RANBP2: variants seen among roughly 807,000 people sequenced by gnomAD.
The protein encoded by RANBP2 is RAN binding protein 2, also known as E3 SUMO-protein ligase RanBP2.
Under a neutral mutation model 303.6 loss-of-function variants are expected in RANBP2, and 57 were observed. The observed-to-expected ratio is 0.19, with a 90% CI of 0.15 to 0.23. RANBP2 has a LOEUF of 0.23. Ranked by LOEUF, RANBP2 falls within the 10% of genes least tolerant of loss-of-function variation. The pLI, the probability that RANBP2 is intolerant of heterozygous loss-of-function variation, is 1.00. For missense variants in RANBP2, 3,138 were observed against 3,780.8 expected (o/e 0.83, Z 4.46); for synonymous variants, 1,167 against 1,301.5 (o/e 0.90, Z 2.23).
At chr2:109,033,819 G>A in the RANBP2 span, among the ~76,000 whole-genome samples, 1 of 151,802 alleles carries the variant, frequency 6.6e-6, no homozygotes, top group African/African-American at 2.4e-5. Flanking sequence ...AGCCAGGTGT[G>A]GTGGCGGGCA....
In RANBP2 at chr2:108,763,641, C is replaced by T. The variant is rs759789243; in HGVS notation, c.3102C>T (p.Asn1034=). The change falls in exon 20 of 29, where the codon AAC becomes AAT. Residue 1034 remains asparagine, a synonymous_variant. Coordinates refer to ENST00000283195, the MANE Select transcript of RANBP2 (RefSeq NM_006267.5). ...CACAGCCAACTCCTTTTAAATTTAA[C>T]TCAAATTTCAAATCAAATGATGGTG... ...HTTQPTPFKF[N]SNFKSNDGDF... 14 of 1,614,126 alleles carry T rather than the reference C, an allele frequency of 8.7e-6. No homozygotes were observed. The highest frequency in any genetic ancestry group is 1.2e-5 in the Non-Finnish European group (14 of 1,180,022).
chr2:108,781,337 G>C lies in RANBP2; in HGVS notation c.8668G>C (p.Ala2890Pro). 2 of 1,614,220 alleles carry C rather than the reference G, an allele frequency of 1.2e-6. No individual in the cohort carries two copies. Among genetic ancestry groups the C allele is most frequent in the Non-Finnish European group, 1.7e-6 (2 of 1,180,038 alleles). Reference sequence around the variant, plus strand: ...AACACAGTCAGTCGGAACCCAGTCAGCCGGTAAAGTTGGTGAAGATGAAGA... The same window carrying C: ...AACACAGTCAGTCGGAACCCAGTCACCCGGTAAAGTTGGTGAAGATGAAGA... ...FGTQSVGTQSAGKVGEDEDGS... is the reference protein window; with the variant it reads ...FGTQSVGTQSPGKVGEDEDGS... The change falls in exon 26 of 29, where the codon GCC (alanine) becomes CCC (proline). Residue 2890 changes from alanine (A) to proline (P), a missense_variant. By Grantham distance (27) the Ala-to-Pro change is conservative (BLOSUM62 -1). Transcript: ENST00000283195.
At chr2:109,294,962 C>T in the RANBP2 span, among the ~76,000 whole-genome samples, 5,674 of 152,274 alleles carry the variant, frequency 0.037, 266 homozygotes, top group African/African-American at 0.1. Flanking sequence ...TTCTTTCAGC[C>T]GATGTTCATT....
chr2:109,370,221 GTCTCTGTC>G, the RANBP2 span, among the ~76,000 whole-genome samples: 5,300 of 148,802 alleles, frequency 0.036, 308 homozygotes, highest in African/African-American at 0.13. Flanking sequence ...CTCTGTCTCT[GTCTCTGTC>G]TCTCTCTCTC....
At chr2:108,803,298 C>A in the RANBP2 span, among the ~76,000 whole-genome samples, 1 of 152,348 alleles carries the variant, frequency 6.6e-6, no homozygotes. Flanking sequence ...AGAGGATCCT[C>A]TGTTTGAGTC....
the RANBP2 span, among the ~76,000 whole-genome samples, chr2:109,242,300 G>A: frequency 3.9e-5 from 6 of 152,172 alleles, no homozygotes; most frequent in African/African-American, 1.4e-4. Context: ...CACCAATTGG[G>A]TGGAAGCCAG....
At position 108,782,177 on chromosome 2, in the gene RANBP2, G is replaced by C. The variant is rs1342738034; in HGVS notation, c.8810G>C (p.Arg2937Thr). The C allele has an allele frequency of 1.9e-6, 3 of 1,614,064 alleles. No individual in the cohort carries two copies. The highest frequency in any genetic ancestry group is 2.5e-6 in the Non-Finnish European group (3 of 1,180,034). The change falls in exon 27 of 29, where the codon AGA becomes ACA. Residue 2937 changes from arginine (R) to threonine (T), a missense_variant. Coordinates refer to ENST00000283195, the MANE Select transcript of RANBP2 (RefSeq NM_006267.5). ...GATGAAGAAATTTTGTTTAAAGAGA[G>C]AGCCAAACTTTATAGATGGGATCGG... ...EEDEEILFKERAKLYRWDRDV... is the reference protein window; with the variant it reads ...EEDEEILFKETAKLYRWDRDV...
At chr2:109,541,555 C>CGGGATTTATAAACTTTCCT in the RANBP2 span, among the ~76,000 whole-genome samples, 1 of 152,314 alleles carries the variant, frequency 6.6e-6, no homozygotes, top group South Asian at 2.1e-4. Flanking sequence ...GCCTGCCAGA[C>CGGGATTTATAAACTTTCCT]GGGATTTATA....
At chr2:108,749,758 AT>A (rs1171969515) in intron 9 of RANBP2, among the ~76,000 whole-genome samples, 26 of 149,338 alleles carry the variant, frequency 1.7e-4, no homozygotes, top group East Asian at 5.9e-4. Context: ...GGCCCAGATA[AT>A]TTTTTTTTTT....
the RANBP2 span, chr2:109,615,460 T>C: frequency 4.3e-6 from 7 of 1,613,244 alleles, no homozygotes; most frequent in Non-Finnish European, 5.9e-6. Context: ...CTAGTCAACT[T>C]CGCCAACAAA....
At chr2:109,242,952 C>T in the RANBP2 span, among the ~76,000 whole-genome samples, 1 of 152,232 alleles carries the variant, frequency 6.6e-6, no homozygotes, top group Non-Finnish European at 1.5e-5. Context: ...CTCTTGTCCT[C>T]TGTGTGAGGC....
At chr2:109,532,617 A>T in the RANBP2 span, among the ~76,000 whole-genome samples, 1 of 152,136 alleles carries the variant, frequency 6.6e-6, no homozygotes, top group Admixed American at 6.5e-5. Flanking sequence ...CTATAATCTA[A>T]AGCTGCCATG....
chr2:109,268,682 C>T, the RANBP2 span, among the ~76,000 whole-genome samples: 1 of 152,028 alleles, frequency 6.6e-6, no homozygotes, highest in Non-Finnish European at 1.5e-5. Context: ...CACAATCACT[C>T]TATTTTTCAC....
chr2:109,598,157 G>C, the RANBP2 span, among the ~76,000 whole-genome samples: 1 of 151,984 alleles, frequency 6.6e-6, no homozygotes, highest in African/African-American at 2.4e-5. Flanking sequence ...CTGCCTTCTG[G>C]GTTCAAGCGA....
At chr2:109,557,202 AT>A in the RANBP2 span, among the ~76,000 whole-genome samples, 2 of 152,160 alleles carry the variant, frequency 1.3e-5, no homozygotes, top group African/African-American at 4.8e-5. Context: ...TATAAAAAAA[AT>A]CTTGAATGCA....
At chr2:109,267,790 G>A in the RANBP2 span, among the ~76,000 whole-genome samples, 16 of 152,156 alleles carry the variant, frequency 1.1e-4, no homozygotes, top group Non-Finnish European at 8.8e-5. Context: ...GAGCGAGGCC[G>A]AGTCAAGCCC....
chr2:109,142,960 G>A, the RANBP2 span, among the ~76,000 whole-genome samples: 1 of 152,246 alleles, frequency 6.6e-6, no homozygotes, highest in Admixed American at 6.5e-5. Flanking sequence ...GTAGTGGAGT[G>A]CCGGGGGCTT....
the RANBP2 span, among the ~76,000 whole-genome samples, chr2:109,377,322 A>G: frequency 5.3e-5 from 8 of 152,136 alleles, no homozygotes; most frequent in African/African-American, 1.9e-4. Flanking sequence ...TGGGTCACAG[A>G]TGAGAGGTGG....
the RANBP2 span, among the ~76,000 whole-genome samples, chr2:109,498,658 T>C: frequency 2.0e-5 from 3 of 152,158 alleles, no homozygotes; most frequent in Non-Finnish European, 4.4e-5. Context: ...CCCTAAGTAG[T>C]ATCAAGTAGG....
Sources: allele counts gnomAD v4.1 joint callset (sites outside exome capture counted in the v4.1 genomes callset), GRCh38; gene constraint gnomAD v4.1.1; transcripts MANE v1.5; gene names NCBI Gene and HGNC (gene_info 2026-07-23, HGNC 2026-07-21).